TICRR: variants seen among roughly 807,000 people sequenced by gnomAD.
TICRR encodes treslin.
Under a neutral mutation model 178.1 loss-of-function variants are expected in TICRR, and 132 were observed. That is an observed-to-expected ratio of 0.74 (90% CI 0.64 to 0.86). The LOEUF is 0.86. TICRR is among the 40% of genes least tolerant of loss of function. TICRR has a pLI of 0.00. For synonymous variants in TICRR, 991 were observed against 900.7 expected (o/e 1.10, Z -1.79); for missense variants, 2,587 against 2,334.3 (o/e 1.11, Z -2.23).
In TICRR at chr15:89,597,334, G is replaced by T. The variant is rs1328186188; in HGVS notation, c.1900+1723G>T. 2.0e-5 allele frequency among the ~76,000 whole-genome samples: 3 copies of T among 151,970 alleles called. No individual in the cohort carries two copies. In the East Asian group the frequency reaches 5.8e-4, roughly 29 times the overall value. On this transcript the variant is annotated intron_variant, in intron 7 of 21. Coordinates refer to ENST00000268138, the MANE Select transcript of TICRR (RefSeq NM_152259.4). The stretch of plus-strand genomic sequence containing the variant: ...AGGTCAGTAGTTCGAGATCAGCCTG[G>T]CCAGCATGGTGAAACCCTGTCTCTA...
In TICRR at chr15:89,584,441, C is replaced by G; in HGVS notation, c.1090C>G (p.Leu364Val). 6.2e-7 allele frequency: 1 copy of G among 1,613,798 alleles called. No individual in the cohort carries two copies. Among genetic ancestry groups the G allele is most frequent in the South Asian group, 1.1e-5 (1 of 91,068 alleles). Reference protein sequence around the residue: ...SSTLGTDSWMLGSPEESTATQ... With the variant: ...SSTLGTDSWMVGSPEESTATQ... ...CACTTTGGGCACTGACAGCTGGATGCTAGGAAGTCCAGAGGAGAGCACAGC... is the reference window on the plus strand; with the variant it reads ...CACTTTGGGCACTGACAGCTGGATGGTAGGAAGTCCAGAGGAGAGCACAGC... Residue 364 changes from leucine to valine, a missense_variant, in exon 3 of 22, where the codon CTA (leucine) becomes GTA (valine). Transcript: ENST00000268138.
intron 4 of TICRR, among the ~76,000 whole-genome samples, chr15:89,587,542 G>T (rs1419088355): frequency 6.6e-6 from 1 of 152,118 alleles, no homozygotes; most frequent in African/African-American, 2.4e-5. Context: ...ACAAAAGGGG[G>T]ACAGTCGCTG....
chr15:89,613,813 G>T (rs1963291968), intron 15 of TICRR, among the ~76,000 whole-genome samples: 1 of 130,112 alleles, frequency 7.7e-6, no homozygotes, highest in South Asian at 2.5e-4. Context: ...TAGATCTTTA[G>T]GTATGATTTT....
At chr15:89,599,540 A>G in intron 8 of TICRR, 65 bp downstream of exon 8, 1 of 1,526,882 alleles carries the variant, frequency 6.5e-7, no homozygotes, top group Non-Finnish European at 8.9e-7. Context: ...TTGGTGGTGG[A>G]TTTGGTTAGT....
At chr15:89,601,203 G>A in intron 9 of TICRR, 95 bp from the exon 10 acceptor site, 1 of 1,050,792 alleles carries the variant, frequency 9.5e-7, no homozygotes, top group Non-Finnish European at 1.4e-6. Flanking sequence ...CTTTTTGGTT[G>A]TTGTGTCTTA....
At chr15:89,613,480 A>C (rs1302647570) in intron 15 of TICRR, among the ~76,000 whole-genome samples, 2 of 152,180 alleles carry the variant, frequency 1.3e-5, no homozygotes, top group Non-Finnish European at 2.9e-5. Context: ...ATTTTTAGCC[A>C]ATATTTATTC....
rs1347337509 is a variant in TICRR at position 89,624,679 on chromosome 15, A to G, written c.4369A>G (p.Ile1457Val). ...SDWHASSPLL[I>V]TSDTEHVTLL... ...TTGGCATGCATCCTCTCCTCTGCTC[A>G]TTACAAGTGACACAGAGCATGTCAC... is the stretch of plus-strand genomic sequence containing the variant. The change falls in exon 20 of 22, where the codon ATT becomes GTT. Residue 1457 changes from isoleucine to valine, a missense_variant. Ile to Val is a conservative substitution (Grantham distance 29). Coordinates refer to ENST00000268138, the MANE Select transcript of TICRR (RefSeq NM_152259.4). 1 of 1,614,082 alleles carries G rather than the reference A, an allele frequency of 6.2e-7. No homozygotes were observed. Among genetic ancestry groups the G allele is most frequent in the Admixed American group, 1.7e-5 (1 of 60,022 alleles).
rs202052132 is a variant in TICRR at position 89,624,137 on chromosome 15, G to C, written c.3827G>C (p.Arg1276Pro). The C allele has an allele frequency of 1.9e-6, 3 of 1,613,682 alleles. No homozygotes were observed. Among genetic ancestry groups the C allele is most frequent in the Non-Finnish European group, 1.7e-6 (2 of 1,179,988 alleles). ...HQQPHVLRAA[R>P]AEEPAQKLKD... is the part of the protein sequence containing the mutation. ...CAGCCCCATGTCCTCAGAGCTGCTCGGGCAGAGGAACCAGCCCAGAAACTA... is the reference window on the plus strand; with the variant it reads ...CAGCCCCATGTCCTCAGAGCTGCTCCGGCAGAGGAACCAGCCCAGAAACTA... The change falls in exon 20 of 22, where the codon CGG becomes CCG. Residue 1276 changes from arginine to proline, a missense_variant. Transcript: ENST00000268138.
rs193267001 is a variant in TICRR, at chr15:89,575,502, G to A, written c.-85G>A. 2.2e-4 allele frequency: 288 copies of A among 1,296,668 alleles called. 10 individuals carry two copies. The Admixed American group carries it at 8.8e-3, about 40-fold the overall frequency. The allele number at this position is 1,296,668 out of a possible 1,614,324, so 80.3% of individuals were successfully genotyped here. On this transcript the variant is annotated 5_prime_UTR_variant, in exon 1 of 22. Coordinates refer to ENST00000268138, the MANE Select transcript of TICRR (RefSeq NM_152259.4). ...GACCAGGGTCCCAAAGGAAAGCAGT[G>A]AGTGGTGCTGTTTCCCTGAAGGAAG...
chr15:89,579,063 G>T (rs1962676729), intron 1 of TICRR, among the ~76,000 whole-genome samples: 1 of 152,106 alleles, frequency 6.6e-6, no homozygotes, highest in Non-Finnish European at 1.5e-5. Context: ...CATAAAACAG[G>T]ATATCATATT....
intron 4 of TICRR, among the ~76,000 whole-genome samples, chr15:89,589,532 G>A (rs1962876514): frequency 6.6e-6 from 1 of 152,140 alleles, no homozygotes; most frequent in Non-Finnish European, 1.5e-5. Flanking sequence ...TCCATGCAGA[G>A]GGAGGCTTGA....
chr15:89,625,859 G>T, intron 20 of TICRR, 73 bp downstream of exon 20: 1 of 1,545,008 alleles, frequency 6.5e-7, no homozygotes, highest in Non-Finnish European at 8.7e-7. Context: ...AGGCACTTGG[G>T]AGTTGCTTCT....
rs577708504 is a variant in TICRR at position 89,591,992 on chromosome 15, C to G, written c.1412-55C>G. 6 of 1,547,908 alleles carry G rather than the reference C, an allele frequency of 3.9e-6. No homozygotes were observed. In the Admixed American group the frequency reaches 5.3e-5, roughly 14 times the overall value. On this transcript the variant is annotated intron_variant, in intron 4 of 21. Transcript: ENST00000268138. ...GGGAGGAGCAAGTGCTTAGAATTCT[C>G]TGCTTTGGTTCTCATGCTGTTTCCT...
At position 89,627,040 on chromosome 15, in the gene TICRR, C is replaced by A. The variant is rs139166785; in HGVS notation, c.5687C>A (p.Thr1896Asn). 1.8e-4 allele frequency: 289 copies of A among 1,614,170 alleles called. No homozygotes were observed. Among genetic ancestry groups the A allele is most frequent in the Non-Finnish European group, 2.3e-4 (276 of 1,180,036 alleles). ...AFSRRRPISR[T>N]YTRKKLMGTW... ...TCCAGGAGGCGCCCCATCAGCAGAA[C>A]TTATACACGGAAGAAGCTCATGGGA... The change falls in exon 22 of 22, where the codon ACT (threonine) becomes AAT (asparagine). Residue 1896 changes from threonine (T) to asparagine (N), a missense_variant. Physicochemically the swap from Thr to Asn is moderately conservative, Grantham distance 65 (BLOSUM62 0). Transcript: ENST00000268138.
intron 15 of TICRR, among the ~76,000 whole-genome samples, chr15:89,610,061 C>T (rs1441436): frequency 0.99 from 150,740 of 152,344 alleles, 74,606 homozygotes; most frequent in Middle Eastern, 1. Flanking sequence ...CTCTTCTCTG[C>T]TTATTCTAGT....
At chr15:89,592,020 C>T in intron 4 of TICRR, 27 bp from the exon 5 acceptor site, 1 of 1,591,406 alleles carries the variant, frequency 6.3e-7, no homozygotes, top group South Asian at 1.1e-5. Flanking sequence ...TGTTTCCTCT[C>T]CTGCCGCTGC....
intron 7 of TICRR, among the ~76,000 whole-genome samples, chr15:89,598,792 G>A (rs1438941696): frequency 6.6e-6 from 1 of 151,820 alleles, no homozygotes; most frequent in Non-Finnish European, 1.5e-5. Flanking sequence ...GATGGCTTGA[G>A]TTCAGGAGTT....
At chr15:89,581,097 A>G (rs73484640) in intron 1 of TICRR, among the ~76,000 whole-genome samples, 3,517 of 152,322 alleles carry the variant, frequency 0.023, 154 homozygotes, top group African/African-American at 0.081. Flanking sequence ...GGACTTGTCT[A>G]TCATTGCCTT....
intron 1 of TICRR, 95 bp downstream of exon 1, chr15:89,576,335 A>AGTCCAGAAAATCAACAGGTCTGGACTGCT: frequency 8.6e-7 from 1 of 1,168,110 alleles, no homozygotes. Context: ...CAGACCCCGA[A>AGTCCAGAAAATCAACAGGTCTGGACTGCT]TGAGACTAAT....
Sources: gnomAD v4.1 joint callset for allele counts (sites outside exome capture counted in the v4.1 genomes callset) on GRCh38, gnomAD v4.1.1 for gene constraint, MANE v1.5 for transcripts, NCBI Gene and HGNC (gene_info 2026-07-23, HGNC 2026-07-21) for gene names.